TMEM232: variants seen among roughly 807,000 people sequenced by gnomAD.
TMEM232 encodes transmembrane protein 232.
A neutral mutation model predicts 78.8 loss-of-function variants in TMEM232; 80 were observed. That is an observed-to-expected ratio of 1.01 (90% confidence interval 0.85 to 1.22). The LOEUF is 1.22. Ranked by LOEUF, TMEM232 falls within the 50% of genes most tolerant of loss-of-function variation. TMEM232 has a pLI of 0.00. For synonymous variants in TMEM232, 297 were observed against 254.3 expected (o/e 1.17, Z -1.60); for missense variants, 881 against 742.2 (o/e 1.19, Z -2.17).
chr5:110,467,348 A>G (rs1408570543), intron 12 of TMEM232, among the ~76,000 whole-genome samples: 2 of 152,154 alleles, frequency 1.3e-5, no homozygotes, highest in African/African-American at 4.8e-5. Context: ...CCTGGTAGAG[A>G]ACAGAGAAAT....
chr5:110,506,882 CA>C (rs979678843), intron 12 of TMEM232, among the ~76,000 whole-genome samples: 1 of 151,442 alleles, frequency 6.6e-6, no homozygotes, highest in Non-Finnish European at 1.5e-5. Flanking sequence ...ATATATTCTC[CA>C]AAAAAAAGCA....
intron 5 of TMEM232, among the ~76,000 whole-genome samples, 154 bp downstream of exon 5, chr5:110,638,044 C>A (rs377609823): frequency 0.01 from 1,521 of 151,822 alleles, 32 homozygotes; most frequent in African/African-American, 0.034. Flanking sequence ...GCAATAATAA[C>A]GTACTACTCA....
intron 2 of TMEM232, among the ~76,000 whole-genome samples, chr5:110,665,757 G>A (rs920078101): frequency 6.6e-6 from 1 of 151,842 alleles, no homozygotes; most frequent in African/African-American, 2.4e-5. Context: ...CTATACATGA[G>A]CATATTTTAA....
At chr5:110,600,339 C>CA (rs1780730932) in intron 10 of TMEM232, among the ~76,000 whole-genome samples, 1 of 151,886 alleles carries the variant, frequency 6.6e-6, no homozygotes, top group Non-Finnish European at 1.5e-5. Flanking sequence ...GACAGAGACA[C>CA]AAAAAGTCCT....
intron 12 of TMEM232, among the ~76,000 whole-genome samples, chr5:110,465,626 A>T (rs1369570567): frequency 6.6e-6 from 1 of 152,348 alleles, no homozygotes; most frequent in Middle Eastern, 3.4e-3. Flanking sequence ...AATTCCAAAA[A>T]TCTAACACAT....
At chr5:110,405,870 A>G (rs1755772808) in intron 2 of TMEM232, among the ~76,000 whole-genome samples, 1 of 151,912 alleles carries the variant, frequency 6.6e-6, no homozygotes, top group South Asian at 2.1e-4. Flanking sequence ...CATGACAACC[A>G]AAATTTATAT....
intron 8 of TMEM232, among the ~76,000 whole-genome samples, chr5:110,613,566 G>A (rs369769821): frequency 6.6e-6 from 1 of 152,058 alleles, no homozygotes; most frequent in African/African-American, 2.4e-5. Context: ...TAAACCAAAG[G>A]TGTCTTCCAC....
chr5:110,535,097 AT>A (rs1359862921), intron 11 of TMEM232, among the ~76,000 whole-genome samples: 1 of 151,966 alleles, frequency 6.6e-6, no homozygotes, highest in African/African-American at 2.4e-5. Context: ...GTTTTTTCTT[AT>A]TAATATAAGA....
At chr5:110,398,243 T>C (rs1028910639) in intron 2 of TMEM232, among the ~76,000 whole-genome samples, 7 of 152,166 alleles carry the variant, frequency 4.6e-5, no homozygotes, top group African/African-American at 1.7e-4. Context: ...CACAATCTTA[T>C]ACTGATGGGA....
At chr5:110,396,080 A>C (rs908776714) in intron 3 of TMEM232, among the ~76,000 whole-genome samples, 3 of 152,210 alleles carry the variant, frequency 2.0e-5, no homozygotes, top group African/African-American at 7.2e-5. Context: ...CCAGTTCTGC[A>C]TGGCTGGGGA....
intron 1 of TMEM232, among the ~76,000 whole-genome samples, chr5:110,694,871 C>T (rs1214879516): frequency 6.6e-6 from 1 of 152,182 alleles, no homozygotes; most frequent in Non-Finnish European, 1.5e-5. Flanking sequence ...TAACACCCCA[C>T]TGTCAACATT....
At position 110,419,645 on chromosome 5, in the gene TMEM232, C is replaced by T. The variant is rs996684796; in HGVS notation, c.*935G>A. 1.3e-5 allele frequency among the ~76,000 whole-genome samples: 2 copies of T among 152,066 alleles called. No individual in the cohort carries two copies. The highest frequency in any genetic ancestry group is 2.9e-5 in the Non-Finnish European group (2 of 67,962). ...TATGGGATAGGTATTCCTTAGCCGG[C>T]TTCACTAATTTATGTTACCTTTCTG... On this transcript the variant is annotated 3_prime_UTR_variant, in exon 14 of 14. Transcript: ENST00000455884.
intron 1 of TMEM232, among the ~76,000 whole-genome samples, chr5:110,673,910 T>C (rs1211199663): frequency 6.6e-6 from 1 of 150,392 alleles, no homozygotes; most frequent in Non-Finnish European, 1.5e-5. Flanking sequence ...TGTGATTTAG[T>C]GATAAAGGAA....
chr5:110,502,895 T>C (rs917662018), intron 12 of TMEM232, among the ~76,000 whole-genome samples: 1 of 152,212 alleles, frequency 6.6e-6, no homozygotes, highest in African/African-American at 2.4e-5. Flanking sequence ...CTATCTGAAG[T>C]AGAATTCTTC....
chr5:110,568,368 C>T (rs966950366), intron 11 of TMEM232, 79 bp downstream of exon 11: 1 of 1,288,066 alleles, frequency 7.8e-7, no homozygotes. Context: ...TGTAGACATT[C>T]CTTTTACCAT....
intron 12 of TMEM232, among the ~76,000 whole-genome samples, chr5:110,510,401 T>C (rs527568267): frequency 6.6e-6 from 1 of 152,318 alleles, no homozygotes; most frequent in African/African-American, 2.4e-5. Flanking sequence ...CTTTGGTATT[T>C]TCATCTCCTT....
chr5:110,736,295 A>C lies in TMEM232; in HGVS notation c.-125-1280T>G, dbSNP rs181397788. Among the ~76,000 whole-genome samples, 3 of 152,354 alleles carry C rather than the reference A, an allele frequency of 2.0e-5. No individual in the cohort carries two copies. The East Asian group carries it at 5.8e-4, about 29-fold the overall frequency. ...CTGATTAAATGATATGAACAGATTT[A>C]GTAATCTAGAAAGATCTTTATTGCT... On this transcript the variant is annotated intron_variant, in intron 1 of 4. Transcript: ENST00000512886.
At chr5:110,555,863 C>A (rs1390058224) in intron 11 of TMEM232, among the ~76,000 whole-genome samples, 2 of 152,134 alleles carry the variant, frequency 1.3e-5, no homozygotes, top group Non-Finnish European at 2.9e-5. Context: ...TTCCTCCATC[C>A]TTTCACTTTG....
At chr5:110,657,615 C>A (rs138983740) in intron 2 of TMEM232, among the ~76,000 whole-genome samples, 1 of 151,960 alleles carries the variant, frequency 6.6e-6, no homozygotes, top group African/African-American at 2.4e-5. Context: ...TTGGAGGGAA[C>A]TGGGAGAGGT....
Sources: allele counts gnomAD v4.1 joint callset (sites outside exome capture counted in the v4.1 genomes callset), GRCh38; gene constraint gnomAD v4.1.1; transcripts MANE v1.5; gene names NCBI Gene and HGNC (gene_info 2026-07-23, HGNC 2026-07-21).